Variants in MAPK10 observed in about 807,000 individuals in gnomAD.
MAPK10 encodes the protein mitogen-activated protein kinase 10, also known as JNK3 alpha protein kinase.
Under a neutral mutation model 59.3 loss-of-function variants are expected in MAPK10, and 25 were observed. That is an observed-to-expected ratio of 0.42 (90% CI 0.31 to 0.59). The LOEUF (loss-of-function observed/expected upper bound fraction) is 0.59. MAPK10 is among the 20% of genes least tolerant of loss of function. The pLI, the probability that MAPK10 is intolerant of heterozygous loss-of-function variation, is 0.15. For synonymous variants in MAPK10, 190 were observed against 200.5 expected (o/e 0.95, Z 0.44); for missense variants, 351 against 568.9 (o/e 0.62, Z 3.90).
intron 2 of MAPK10, among the ~76,000 whole-genome samples, chr4:86,351,047 C>T (rs947676864): frequency 6.6e-6 from 1 of 152,024 alleles, no homozygotes; most frequent in Non-Finnish European, 1.5e-5. Flanking sequence ...AAGCCACTTA[C>T]CCTCCTTAGC....
At chr4:86,586,019 C>T (rs1173828788) in intron 1 of MAPK10, among the ~76,000 whole-genome samples, 1 of 152,164 alleles carries the variant, frequency 6.6e-6, no homozygotes, top group Non-Finnish European at 1.5e-5. Context: ...TCTTGGTCTT[C>T]ATTTCTGGGA....
At chr4:86,119,923 G>A (rs1320409077) in intron 4 of MAPK10, 1 of 152,254 alleles carries the variant, frequency 6.6e-6, no homozygotes, top group East Asian at 1.9e-4. Flanking sequence ...AATAGGGTCA[G>A]CAGAGGCTTC....
At chr4:86,332,044 T>C (rs1456487678) in intron 2 of MAPK10, among the ~76,000 whole-genome samples, 1 of 152,160 alleles carries the variant, frequency 6.6e-6, no homozygotes, top group African/African-American at 2.4e-5. Flanking sequence ...TAGCAGATAA[T>C]CTCACACTTT....
chr4:86,063,060 C>T (rs2046023937), intron 11 of MAPK10, among the ~76,000 whole-genome samples: 1 of 152,144 alleles, frequency 6.6e-6, no homozygotes, highest in African/African-American at 2.4e-5. Flanking sequence ...GCAGTCTTCA[C>T]ACTTGGGAGA....
intron 1 of MAPK10, among the ~76,000 whole-genome samples, chr4:86,373,458 C>T (rs1017849908): frequency 6.6e-6 from 1 of 152,180 alleles, no homozygotes; most frequent in East Asian, 1.9e-4. Context: ...AAGCTATCAT[C>T]AGAGTGAACA....
intron 1 of MAPK10, among the ~76,000 whole-genome samples, chr4:86,468,150 A>G (rs1438464694): frequency 6.6e-6 from 1 of 152,156 alleles, no homozygotes; most frequent in Non-Finnish European, 1.5e-5. Context: ...CTCCAAGGTA[A>G]AACATTCTCT....
At chr4:86,215,322 A>G (rs778045571) in intron 2 of MAPK10, among the ~76,000 whole-genome samples, 14 of 152,248 alleles carry the variant, frequency 9.2e-5, no homozygotes, top group Admixed American at 2.0e-4. Flanking sequence ...AAGACAACAT[A>G]GAACAAACCT....
At chr4:86,562,579 C>T (rs1760757404) in intron 1 of MAPK10, among the ~76,000 whole-genome samples, 1 of 151,812 alleles carries the variant, frequency 6.6e-6, no homozygotes, top group Non-Finnish European at 1.5e-5. Flanking sequence ...CTTGTAGTCC[C>T]AGCTACTTGG....
chr4:86,504,518 T>C (rs1224921293), intron 1 of MAPK10, among the ~76,000 whole-genome samples: 1 of 152,202 alleles, frequency 6.6e-6, no homozygotes, highest in Non-Finnish European at 1.5e-5. Flanking sequence ...TACAGTTTAC[T>C]ATTATGTAGG....
intron 1 of MAPK10, among the ~76,000 whole-genome samples, chr4:86,495,479 A>G (rs969282360): frequency 3.3e-5 from 5 of 152,218 alleles, no homozygotes; most frequent in Non-Finnish European, 7.3e-5. Flanking sequence ...TCTAAAATGC[A>G]ATAGCTTGTC....
chr4:86,303,387 A>G (rs956287948), intron 2 of MAPK10, among the ~76,000 whole-genome samples: 9 of 152,218 alleles, frequency 5.9e-5, no homozygotes, highest in African/African-American at 9.6e-5. Flanking sequence ...GCAAACATTT[A>G]TAAGTCATGT....
At chr4:86,055,230 C>A (rs1220591008) in intron 11 of MAPK10, among the ~76,000 whole-genome samples, 1 of 150,730 alleles carries the variant, frequency 6.6e-6, no homozygotes, top group Non-Finnish European at 1.5e-5. Flanking sequence ...CACTAACATG[C>A]TAAACATTAC....
intron 1 of MAPK10, among the ~76,000 whole-genome samples, chr4:86,420,582 G>A (rs1263321260): frequency 6.6e-6 from 1 of 152,108 alleles, no homozygotes; most frequent in Non-Finnish European, 1.5e-5. Flanking sequence ...GAGCTCAAGA[G>A]TTTGAGACAA....
chr4:86,390,599 A>C lies in MAPK10; in HGVS notation c.-121-35955T>G, dbSNP rs192254412. On this transcript the variant is annotated intron_variant, in intron 1 of 13. Transcript: ENST00000361569. ...GAGAAAGCTAAAGGAGCTAGAAGAG[A>C]CTGCCAGCAAGATAGAGGTGCCTAT... is the stretch of plus-strand genomic sequence containing the variant. Among the ~76,000 whole-genome samples, 31 of 152,294 alleles carry C rather than the reference A, an allele frequency of 2.0e-4. No homozygotes were observed. In the East Asian group the frequency reaches 2.7e-3, roughly 13 times the overall value.
intron 1 of MAPK10, among the ~76,000 whole-genome samples, chr4:86,431,367 T>C (rs985609431): frequency 6.6e-6 from 1 of 152,230 alleles, no homozygotes; most frequent in African/African-American, 2.4e-5. Flanking sequence ...AAATGACTGA[T>C]ATTTTTCACT....
At chr4:86,267,273 A>G (rs183795184) in intron 2 of MAPK10, among the ~76,000 whole-genome samples, 32 of 152,326 alleles carry the variant, frequency 2.1e-4, no homozygotes, top group African/African-American at 7.5e-4. Flanking sequence ...TAGCCAAAAT[A>G]AAGTTTCTAA....
At chr4:86,046,303 T>C (rs2042489318) in intron 11 of MAPK10, among the ~76,000 whole-genome samples, 1 of 151,694 alleles carries the variant, frequency 6.6e-6, no homozygotes, top group African/African-American at 2.4e-5. Context: ...TATTTCTTTC[T>C]CTTGCCTGAC....
At chr4:86,488,157 C>T (rs72665711) in intron 1 of MAPK10, among the ~76,000 whole-genome samples, 40,053 of 152,040 alleles carry the variant, frequency 0.26, 5,736 homozygotes, top group Admixed American at 0.33. Context: ...CACCATTCCC[C>T]CACCTCCTCC....
chr4:86,031,361 G>A lies in MAPK10; in HGVS notation c.1174+7C>T, dbSNP rs1477984480. ...AAAAAGTATACTTTTTTAAGTAGTA[G>A]ACTTACCTTTCCATTCTTCAATTGT... On this transcript the variant is annotated splice_region_variant and intron_variant, in intron 12 of 13. Transcript: ENST00000641462. The A allele has an allele frequency of 1.9e-6, 3 of 1,590,974 alleles. No individual in the cohort carries two copies. The highest frequency in any genetic ancestry group is 1.7e-4 in the Middle Eastern group (1 of 6,032).
Sources: allele counts gnomAD v4.1 joint callset (sites outside exome capture counted in the v4.1 genomes callset), GRCh38; gene constraint gnomAD v4.1.1; transcripts MANE v1.5; gene names NCBI Gene and HGNC (gene_info 2026-07-23, HGNC 2026-07-21).